STK17A: variants seen among roughly 807,000 people sequenced by gnomAD.
STK17A encodes serine/threonine kinase 17a, also known as serine/threonine-protein kinase 17A.
A neutral mutation model predicts 43.7 loss-of-function variants in STK17A; 26 were observed. That is an observed-to-expected ratio of 0.60 (90% CI 0.44 to 0.83). STK17A has a LOEUF of 0.83. STK17A is among the 40% of genes least tolerant of loss of function. The pLI is 0.00. For missense variants in STK17A, 476 were observed against 511.6 expected (o/e 0.93, Z 0.67); for synonymous variants, 191 against 182.5 (o/e 1.05, Z -0.38).
chr7:43,621,794 G>GA (rs1174478550), intron 4 of STK17A, among the ~76,000 whole-genome samples: 2 of 152,026 alleles, frequency 1.3e-5, no homozygotes, highest in Admixed American at 6.5e-5. Flanking sequence ...AATCCAAAAA[G>GA]AAAAAAACTA....
chr7:43,606,536 TTTG>T (rs1381693672), intron 2 of STK17A, among the ~76,000 whole-genome samples: 1 of 152,242 alleles, frequency 6.6e-6, no homozygotes, highest in Non-Finnish European at 1.5e-5. Flanking sequence ...CAAAACTTTT[TTTG>T]TTAACAGTTT....
chr7:43,623,719 G>C lies in STK17A; in HGVS notation c.751G>C (p.Val251Leu). The change falls in exon 6 of 7, where the codon GTG becomes CTG. Residue 251 changes from valine to leucine, a missense_variant. Val to Leu is a conservative substitution (Grantham distance 32). This residue lies in a region of STK17A where 320 missense variants were observed against 326.3 expected (regional missense o/e 0.98). Coordinates refer to ENST00000319357, the MANE Select transcript of STK17A (RefSeq NM_004760.3). ...TTCTTTCTAATTTAGGAGCATTGGA[G>C]TGTTAACATATGTCATGCTTACAGG... ...SMATDMWSIG[V>L]LTYVMLTGIS... The C allele has an allele frequency of 6.2e-7, 1 of 1,606,390 alleles. No homozygotes were observed.
chr7:43,596,250 C>G (rs2082514804), intron 2 of STK17A, 137 bp downstream of exon 2: 3 of 698,120 alleles, frequency 4.3e-6, no homozygotes, highest in Non-Finnish European at 6.5e-6. Flanking sequence ...TCAGGTGTTC[C>G]TCTTATTAAT....
At chr7:43,607,597 T>C (rs2082615126) in intron 2 of STK17A, among the ~76,000 whole-genome samples, 1 of 130,670 alleles carries the variant, frequency 7.7e-6, no homozygotes. Context: ...TGCAGTGAGC[T>C]GAGATCACGC....
chr7:43,603,860 G>A (rs908822375), intron 2 of STK17A, among the ~76,000 whole-genome samples: 11 of 151,970 alleles, frequency 7.2e-5, no homozygotes, highest in African/African-American at 2.7e-4. Context: ...TTCAGGCTAT[G>A]TATGTAAGTT....
chr7:43,606,316 G>GA (rs2082588142), intron 2 of STK17A, among the ~76,000 whole-genome samples: 2 of 152,140 alleles, frequency 1.3e-5, no homozygotes, highest in Admixed American at 1.3e-4. Context: ...ACTTTAGATA[G>GA]AAAAAACAGT....
At chr7:43,609,331 G>A (rs1354557094) in intron 3 of STK17A, 1 of 152,260 alleles carries the variant, frequency 6.6e-6, no homozygotes, top group East Asian at 1.9e-4. Flanking sequence ...AGATCAATTT[G>A]GAACCAGTAA....
chr7:43,621,477 A>G (rs769910134), intron 4 of STK17A, among the ~76,000 whole-genome samples: 13 of 152,124 alleles, frequency 8.5e-5, no homozygotes, highest in Non-Finnish European at 1.9e-4. Context: ...TTTTGTTTTA[A>G]TGCTTTCTTT....
intron 1 of STK17A, among the ~76,000 whole-genome samples, chr7:43,590,608 GA>G (rs1252351545): frequency 6.6e-6 from 1 of 151,386 alleles, no homozygotes; most frequent in African/African-American, 2.4e-5. Flanking sequence ...TTTTTGAAAT[GA>G]AAAAATATAC....
At position 43,583,550 on chromosome 7, in the gene STK17A, G is replaced by C. The variant is rs1310455070; in HGVS notation, c.206+101G>C. 4 of 1,024,274 alleles carry C rather than the reference G, an allele frequency of 3.9e-6. No individual in the cohort carries two copies. The South Asian group carries it at 1.7e-4, about 43-fold the overall frequency. 63.4% of individuals were successfully genotyped at this position (1,024,274 alleles called of 1,614,324 possible). The stretch of plus-strand genomic sequence containing the variant: ...GCCGCGGCGGCGAGGCTGAAGTGGC[G>C]TTGCTGCTGCCGATAACGCGCGTTG... On this transcript the variant is annotated intron_variant, in intron 1 of 6. Coordinates refer to ENST00000319357, the MANE Select transcript of STK17A (RefSeq NM_004760.3).
intron 1 of STK17A, among the ~76,000 whole-genome samples, chr7:43,590,642 A>C (rs2082473732): frequency 6.6e-6 from 1 of 151,590 alleles, no homozygotes; most frequent in Admixed American, 6.6e-5. Flanking sequence ...GCAACTGTTT[A>C]TTCCAGGAAG....
intron 3 of STK17A, among the ~76,000 whole-genome samples, chr7:43,619,202 G>A (rs1462378326): frequency 1.3e-5 from 2 of 152,154 alleles, no homozygotes; most frequent in African/African-American, 4.8e-5. Flanking sequence ...TTCAGTCAAG[G>A]GGTCAGAAGA....
chr7:43,585,603 C>T (rs1418099438), intron 1 of STK17A, among the ~76,000 whole-genome samples: 2 of 151,478 alleles, frequency 1.3e-5, no homozygotes, highest in African/African-American at 4.8e-5. Context: ...TTGTGGCACC[C>T]TTTTTTATCG....
chr7:43,625,000 C>T lies in STK17A; in HGVS notation c.*158C>T, dbSNP rs187859672. On this transcript the variant is annotated 3_prime_UTR_variant, in exon 7 of 7. Transcript: ENST00000319357. The stretch of plus-strand genomic sequence containing the variant: ...CAAATTTGTGGAGTTAGGTGGAAGC[C>T]AGATTTTAAAAGTTGCCAACCAGGA... 2.4e-4 allele frequency: 157 copies of T among 648,594 alleles called. No homozygotes were observed. Among genetic ancestry groups the T allele is most frequent in the Admixed American group, 6.2e-4 (17 of 27,340 alleles). 40.2% of individuals were successfully genotyped at this position (648,594 alleles called of 1,614,324 possible).
chr7:43,598,984 C>T lies in STK17A; in HGVS notation c.419+2871C>T, dbSNP rs562718099. ...GTCACCATGTTGGCCAGGCTGGTTT[C>T]GAACTCTTGACCTCAGGTGATCCAC... On this transcript the variant is annotated intron_variant, in intron 2 of 6. Transcript: ENST00000319357. 8.5e-5 allele frequency among the ~76,000 whole-genome samples: 13 copies of T among 152,158 alleles called. No individual in the cohort carries two copies. In the South Asian group the frequency reaches 1.9e-3, roughly 22 times the overall value.
intron 1 of STK17A, among the ~76,000 whole-genome samples, chr7:43,592,154 A>G (rs2082484243): frequency 6.6e-6 from 1 of 151,646 alleles, no homozygotes; most frequent in Non-Finnish European, 1.5e-5. Context: ...TCAAATTAAT[A>G]ACAATTGTTT....
Position 43,595,242 on chromosome 7 carries a change from C to G in STK17A, c.207-659C>G, listed in dbSNP as rs547022494. On this transcript the variant is annotated intron_variant, in intron 1 of 6. Transcript: ENST00000319357. ...TCATCATATTAGGGATTCTGGTGAC[C>G]AATTTCTATTAAAAAATCAAATGGC... Among the ~76,000 whole-genome samples, 93 of 149,044 alleles carry G rather than the reference C, an allele frequency of 6.2e-4. No homozygotes were observed. In the South Asian group the frequency reaches 7.6e-3, roughly 12 times the overall value.
chr7:43,600,836 T>C (rs748440069), intron 2 of STK17A, among the ~76,000 whole-genome samples: 6 of 152,218 alleles, frequency 3.9e-5, no homozygotes, highest in Non-Finnish European at 7.4e-5. Context: ...TGCCTCAGCC[T>C]CCCAAAATGC....
chr7:43,613,276 C>T (rs1453425338), intron 3 of STK17A, among the ~76,000 whole-genome samples: 1 of 152,080 alleles, frequency 6.6e-6, no homozygotes, highest in Admixed American at 6.6e-5. Flanking sequence ...CTTGAATTGG[C>T]CCCCCACCAA....
Sources: allele counts gnomAD v4.1 joint callset (sites outside exome capture counted in the v4.1 genomes callset), GRCh38; gene constraint gnomAD v4.1.1; regional missense constraint gnomAD v4.1.1; transcripts MANE v1.5; gene names NCBI Gene and HGNC (gene_info 2026-07-23, HGNC 2026-07-21).